Variants in NRG1 observed in about 807,000 individuals in gnomAD.
NRG1 encodes pro-neuregulin-1, membrane-bound isoform.
NRG1 carries 18 observed loss-of-function variants against 63.8 expected under a neutral mutation model. The ratio of observed to expected loss-of-function variants is 0.28; its 90% CI spans 0.19 to 0.42. NRG1 has a LOEUF of 0.42. Ranked by LOEUF, NRG1 falls within the 10% of genes least tolerant of loss-of-function variation. The probability of loss-of-function intolerance (pLI) is 1.00; values close to 1 mark genes in which losing one functional copy is unlikely to be tolerated. For synonymous variants in NRG1, 302 were observed against 301.3 expected (o/e 1.00, Z -0.02); for missense variants, 762 against 814.7 (o/e 0.94, Z 0.79).
At chr8:31,996,937 T>G (rs1041272988) in intron 1 of NRG1, among the ~76,000 whole-genome samples, 5 of 151,944 alleles carry the variant, frequency 3.3e-5, no homozygotes, top group Non-Finnish European at 7.4e-5. Context: ...TGGGATTCAC[T>G]GTCAAAAGAG....
At chr8:32,034,018 G>A (rs1354586977) in intron 1 of NRG1, among the ~76,000 whole-genome samples, 1 of 152,150 alleles carries the variant, frequency 6.6e-6, no homozygotes, top group African/African-American at 2.4e-5. Context: ...TGGCTTCCTT[G>A]TCTTGTGTTG....
At chr8:32,427,564 A>C (rs887427262) in intron 1 of NRG1, among the ~76,000 whole-genome samples, 2 of 152,140 alleles carry the variant, frequency 1.3e-5, no homozygotes, top group Admixed American at 6.6e-5. Flanking sequence ...ATCTTGTTAC[A>C]GTTTATTACA....
chr8:31,744,164 G>T (rs1156507806), intron 1 of NRG1, among the ~76,000 whole-genome samples: 2 of 151,888 alleles, frequency 1.3e-5, no homozygotes, highest in Non-Finnish European at 2.9e-5. Context: ...CTGAGCCTCT[G>T]CTCTGAGCTC....
intron 1 of NRG1, among the ~76,000 whole-genome samples, chr8:32,506,124 T>A (rs1162643036): frequency 6.6e-6 from 1 of 152,142 alleles, no homozygotes; most frequent in Admixed American, 6.5e-5. Flanking sequence ...GTGGTGTACA[T>A]CTGTAGTCTC....
chr8:32,449,772 T>A (rs1443974052), intron 1 of NRG1, among the ~76,000 whole-genome samples: 4 of 152,228 alleles, frequency 2.6e-5, no homozygotes, highest in Non-Finnish European at 5.9e-5. Flanking sequence ...GTTTATTTTT[T>A]AAAAATTCAT....
intron 5 of NRG1, among the ~76,000 whole-genome samples, chr8:32,669,281 A>G (rs1385114311): frequency 6.6e-6 from 1 of 152,204 alleles, no homozygotes; most frequent in Non-Finnish European, 1.5e-5. Flanking sequence ...CCCCATTGAT[A>G]TTGATTTGGA....
intron 1 of NRG1, among the ~76,000 whole-genome samples, chr8:31,703,549 C>T (rs543835527): frequency 6.6e-6 from 1 of 152,254 alleles, no homozygotes; most frequent in South Asian, 2.1e-4. Flanking sequence ...ATTTATTGGA[C>T]AATTGCACCA....
At chr8:31,869,944 C>T (rs1005658292) in intron 1 of NRG1, among the ~76,000 whole-genome samples, 31 of 152,080 alleles carry the variant, frequency 2.0e-4, no homozygotes, top group African/African-American at 7.5e-4. Context: ...CCAGACATTT[C>T]TAAAAGCAGC....
chr8:32,134,470 ATTATCTCTT>A (rs1214536510), intron 1 of NRG1, among the ~76,000 whole-genome samples: 2 of 152,176 alleles, frequency 1.3e-5, no homozygotes, highest in African/African-American at 2.4e-5. Flanking sequence ...TATTGTTTTA[ATTATCTCTT>A]TTATTCTCCA....
intron 1 of NRG1, among the ~76,000 whole-genome samples, chr8:32,430,285 C>G: frequency 6.6e-6 from 1 of 152,158 alleles, no homozygotes; most frequent in East Asian, 1.9e-4. Context: ...ACTATTTATG[C>G]TTACTCATAA....
intron 1 of NRG1, among the ~76,000 whole-genome samples, chr8:32,510,795 T>C (rs1829086567): frequency 6.6e-6 from 1 of 152,080 alleles, no homozygotes; most frequent in South Asian, 2.1e-4. Context: ...CCACCCTCTC[T>C]AGTCCAGGCC....
intron 1 of NRG1, among the ~76,000 whole-genome samples, chr8:32,012,547 A>C (rs1814920356): frequency 6.6e-6 from 1 of 152,092 alleles, no homozygotes; most frequent in Non-Finnish European, 1.5e-5. Context: ...AATGCTTTTC[A>C]GTACTTAGAG....
At position 31,748,940 on chromosome 8, in the gene NRG1, C is replaced by A. The variant is rs146484566; in HGVS notation, c.37+109509C>A. On this transcript the variant is annotated intron_variant, in intron 1 of 10. Transcript: ENST00000519301. ...TAGCCTGAGAAAATATACTGAAATGCAAAGGTTTTTGCATAAAGATGTTAA... is the reference window on the plus strand; with the variant it reads ...TAGCCTGAGAAAATATACTGAAATGAAAAGGTTTTTGCATAAAGATGTTAA... Among the ~76,000 whole-genome samples the A allele has an allele frequency of 3.1e-3, 471 of 151,926 alleles. 4 individuals are homozygous for A. The highest frequency in any genetic ancestry group is 9.9e-3 in the African/African-American group (409 of 41,494).
At chr8:31,809,707 A>G (rs926679716) in intron 1 of NRG1, among the ~76,000 whole-genome samples, 5 of 86,908 alleles carry the variant, frequency 5.8e-5, no homozygotes, top group Admixed American at 4.4e-4. Flanking sequence ...CATTATTCCT[A>G]TTTCAAGATT....
chr8:32,489,846 T>C (rs990103836), intron 1 of NRG1, among the ~76,000 whole-genome samples: 15 of 152,136 alleles, frequency 9.9e-5, no homozygotes, highest in Admixed American at 9.8e-4. Context: ...TTCCAGAACA[T>C]TGTATTTGGA....
chr8:32,355,274 C>T (rs949502922), intron 1 of NRG1, among the ~76,000 whole-genome samples: 4 of 151,994 alleles, frequency 2.6e-5, no homozygotes, highest in African/African-American at 7.3e-5. Context: ...GCCTGGGCAA[C>T]GTGATGAAAC....
At chr8:31,864,495 G>A (rs1828771640) in intron 1 of NRG1, among the ~76,000 whole-genome samples, 1 of 152,166 alleles carries the variant, frequency 6.6e-6, no homozygotes, top group African/African-American at 2.4e-5. Context: ...GCACAAGGAG[G>A]GAAAGGAGTT....
chr8:32,318,641 T>TTG (rs1801036252), intron 1 of NRG1, among the ~76,000 whole-genome samples: 1 of 152,200 alleles, frequency 6.6e-6, no homozygotes, highest in Non-Finnish European at 1.5e-5. Context: ...CATTTATATA[T>TTG]TGTTTTCACT....
Position 32,338,656 on chromosome 8 carries a change from TA to T in NRG1, c.38-257165del, listed in dbSNP as rs547394161. Among the ~76,000 whole-genome samples the T allele has an allele frequency of 2.7e-3, 414 of 151,980 alleles. 1 individual carries two copies. Among genetic ancestry groups the T allele is most frequent in the African/African-American group, 9.4e-3 (388 of 41,484 alleles). On this transcript the variant is annotated intron_variant, in intron 1 of 10. Transcript: ENST00000519301. Reference sequence around the variant, plus strand: ...ATGAGCCCCAAACTTTTCAGTAAAATAAAAAAAGGATTGATATTTTATGAAA... The same window carrying T: ...ATGAGCCCCAAACTTTTCAGTAAAATAAAAAAGGATTGATATTTTATGAAA...
Sources: allele counts gnomAD v4.1 joint callset (sites outside exome capture counted in the v4.1 genomes callset), GRCh38; gene constraint gnomAD v4.1.1; transcripts MANE v1.5; gene names NCBI Gene and HGNC (gene_info 2026-07-23, HGNC 2026-07-21).